KIF5B: variants seen among roughly 807,000 people sequenced by gnomAD.
KIF5B encodes kinesin family member 5B.
KIF5B carries 49 observed loss-of-function variants against 132.8 expected under a neutral mutation model. The ratio of observed to expected loss-of-function variants is 0.37; its 90% CI spans 0.29 to 0.47. The LOEUF (loss-of-function observed/expected upper bound fraction) is 0.47. Among genes scored for constraint, KIF5B ranks in the 20% least tolerant of loss-of-function variants. The pLI, the probability that KIF5B is intolerant of heterozygous loss-of-function variation, is 1.00. For synonymous variants in KIF5B, 355 were observed against 369.4 expected, an observed-to-expected ratio of 0.96 and a Z score of 0.45; for missense variants, 780 against 1,144.0, an observed-to-expected ratio of 0.68 and a Z score of 4.59.
intron 25 of KIF5B, among the ~76,000 whole-genome samples, chr10:32,014,470 T>A (rs1841131155): frequency 6.6e-6 from 1 of 151,828 alleles, no homozygotes; most frequent in Non-Finnish European, 1.5e-5. Context: ...GCATATGTAG[T>A]AGAATAAGTG....
At chr10:32,036,697 G>T (rs1443034676) in intron 8 of KIF5B, among the ~76,000 whole-genome samples, 6 of 152,228 alleles carry the variant, frequency 3.9e-5, no homozygotes, top group African/African-American at 1.4e-4. Flanking sequence ...TAAGACTTCA[G>T]AGTAGAACGG....
At chr10:32,051,933 G>A (rs1212268677) in intron 1 of KIF5B, among the ~76,000 whole-genome samples, 2 of 152,124 alleles carry the variant, frequency 1.3e-5, no homozygotes, top group African/African-American at 4.8e-5. Context: ...ACATTATGCA[G>A]CTTTTAATCC....
intron 15 of KIF5B, among the ~76,000 whole-genome samples, chr10:32,024,389 C>T (rs1266765296): frequency 7.5e-5 from 11 of 147,568 alleles, no homozygotes; most frequent in African/African-American, 2.7e-4. Flanking sequence ...CTCCTGACCT[C>T]GTGATCCGCC....
intron 2 of KIF5B, among the ~76,000 whole-genome samples, chr10:32,040,769 G>C (rs549042381): frequency 1.3e-5 from 2 of 151,764 alleles, no homozygotes; most frequent in Non-Finnish European, 2.9e-5. Context: ...CAAGGCAGGC[G>C]GATCACAAGG....
chr10:32,034,294 T>C (rs552762329), intron 11 of KIF5B, among the ~76,000 whole-genome samples: 18 of 152,174 alleles, frequency 1.2e-4, no homozygotes, highest in Admixed American at 4.6e-4. Context: ...GTGTTTTCAG[T>C]AGAGATGGGG....
chr10:32,020,512 C>T (rs939526644), intron 19 of KIF5B, among the ~76,000 whole-genome samples: 1 of 152,230 alleles, frequency 6.6e-6, no homozygotes. Flanking sequence ...CCTCAGATTC[C>T]AATACTCAAG....
chr10:32,041,673 C>T (rs1013082386), intron 2 of KIF5B, among the ~76,000 whole-genome samples: 2 of 152,190 alleles, frequency 1.3e-5, no homozygotes, highest in Non-Finnish European at 2.9e-5. Flanking sequence ...GTTCAGAGTG[C>T]AATGGCACAA....
chr10:32,046,345 CAT>C lies in KIF5B; in HGVS notation c.214+2117_214+2118del, dbSNP rs1200632625. On this transcript the variant is annotated intron_variant, in intron 2 of 25. Transcript: ENST00000302418. The stretch of plus-strand genomic sequence containing the variant: ...TATGATCGATCCCTCTGGAAAACCA[CAT>C]GATGCTTACAACATGATGACCCTGT... 1.1e-4 allele frequency among the ~76,000 whole-genome samples: 17 copies of C among 152,272 alleles called. No individual in the cohort carries two copies. In the South Asian group the frequency reaches 3.5e-3, roughly 32 times the overall value.
intron 15 of KIF5B, among the ~76,000 whole-genome samples, chr10:32,027,295 G>A (rs1341924748): frequency 2.6e-5 from 4 of 152,018 alleles, no homozygotes; most frequent in Non-Finnish European, 5.9e-5. Flanking sequence ...TTATATGCAT[G>A]GTTTTTCAGT....
At chr10:32,028,947 T>C (rs1349454075) in intron 14 of KIF5B, among the ~76,000 whole-genome samples, 2 of 152,206 alleles carry the variant, frequency 1.3e-5, no homozygotes, top group Non-Finnish European at 2.9e-5. Flanking sequence ...AAATTAACGT[T>C]ACAATGACAC....
intron 23 of KIF5B, 116 bp from the exon 24 acceptor site, chr10:32,017,475 T>G: frequency 2.6e-6 from 2 of 772,664 alleles, no homozygotes; most frequent in Non-Finnish European, 2.1e-6. Context: ...TTGTTTCCCA[T>G]TTATCTAATT....
chr10:32,012,379 G>A (rs1841095693), intron 25 of KIF5B, among the ~76,000 whole-genome samples: 1 of 152,170 alleles, frequency 6.6e-6, no homozygotes, highest in Non-Finnish European at 1.5e-5. Flanking sequence ...GGAGGGTGAG[G>A]CAGGGAGAAC....
At chr10:32,022,701 A>C (rs573752495) in intron 16 of KIF5B, 147 bp downstream of exon 16, 9 of 565,702 alleles carry the variant, frequency 1.6e-5, no homozygotes, top group Admixed American at 9.4e-5. Flanking sequence ...TAACTCAGTT[A>C]AATCATTCAA....
chr10:32,012,422 G>C (rs770877903), intron 25 of KIF5B, among the ~76,000 whole-genome samples: 1 of 152,124 alleles, frequency 6.6e-6, no homozygotes, highest in South Asian at 2.1e-4. Flanking sequence ...GTTGCAGTGA[G>C]CCGAGATCCT....
At chr10:32,015,346 T>C (rs188811574) in intron 25 of KIF5B, among the ~76,000 whole-genome samples, 163 bp downstream of exon 25, 2 of 152,318 alleles carry the variant, frequency 1.3e-5, no homozygotes, top group African/African-American at 2.4e-5. Flanking sequence ...TTTGAATATA[T>C]AGTATGATCT....
chr10:32,021,366 T>G, intron 17 of KIF5B, 79 bp from the exon 18 acceptor site: 1 of 989,734 alleles, frequency 1.0e-6, no homozygotes. Context: ...AAATGGATTT[T>G]ACAATAAGCA....
intron 2 of KIF5B, among the ~76,000 whole-genome samples, chr10:32,048,082 A>T (rs1841637320): frequency 6.6e-6 from 1 of 152,230 alleles, no homozygotes; most frequent in South Asian, 2.1e-4. Flanking sequence ...GGAATGGAAG[A>T]ATGATAGACT....
chr10:32,034,575 T>G, intron 11 of KIF5B, 115 bp downstream of exon 11: 1 of 677,390 alleles, frequency 1.5e-6, no homozygotes, highest in Non-Finnish European at 2.2e-6. Flanking sequence ...ATTATTTCGA[T>G]GTCTATTAAA....
At chr10:32,035,694 C>T (rs1592448255) in intron 9 of KIF5B, 27 bp from the exon 10 acceptor site, 1 of 1,581,348 alleles carries the variant, frequency 6.3e-7, no homozygotes, top group Non-Finnish European at 8.6e-7. Context: ...AGAAAGAAAA[C>T]AAGACCAGTA....
Sources: allele counts gnomAD v4.1 joint callset (sites outside exome capture counted in the v4.1 genomes callset), GRCh38; gene constraint gnomAD v4.1.1; transcripts MANE v1.5; gene names NCBI Gene and HGNC (gene_info 2026-07-23, HGNC 2026-07-21).